ACSM2B: variants seen among roughly 807,000 people sequenced by gnomAD.
ACSM2B encodes acyl-CoA synthetase medium chain family member 2B.
A neutral mutation model predicts 78.6 loss-of-function variants in ACSM2B; 58 were observed. The ratio of observed to expected loss-of-function variants is 0.74; its 90% CI spans 0.60 to 0.92. ACSM2B has a LOEUF of 0.92. Ranked by LOEUF, ACSM2B falls within the 40% of genes least tolerant of loss-of-function variation. The pLI, the probability that ACSM2B is intolerant of heterozygous loss-of-function variation, is 0.00. For missense variants in ACSM2B, 688 were observed against 711.2 expected (o/e 0.97, Z 0.37); for synonymous variants, 257 against 256.8 (o/e 1.00, Z -0.01).
At position 20,552,145 on chromosome 16, in the gene ACSM2B, T is replaced by C. The variant is rs557429764; in HGVS notation, c.893A>G (p.Lys298Arg). The C allele has an allele frequency of 1.2e-6, 2 of 1,608,268 alleles. No individual in the cohort carries two copies. Among genetic ancestry groups the C allele is most frequent in the Non-Finnish European group, 1.7e-6 (2 of 1,177,222 alleles). ...GCTGCAAACTGGATCCTCTCTTACC[T>C]TTAGAATAACCAGTGGGTCAAACTT... is the stretch of plus-strand genomic sequence containing the variant. ...LPKFDPLVILKTLSSYPIKSM... is the reference protein window; with the variant it reads ...LPKFDPLVILRTLSSYPIKSM... Residue 298 changes from lysine (K) to arginine (R), a missense_variant and splice_region_variant, in exon 6 of 14, where the codon AAG becomes AGG. Transcript: ENST00000329697.
At chr16:20,557,861 C>A in intron 3 of ACSM2B, among the ~76,000 whole-genome samples, 1 of 152,178 alleles carries the variant, frequency 6.6e-6, no homozygotes, top group Non-Finnish European at 1.5e-5. Context: ...TCTGACATAG[C>A]TGACTTCATC....
intron 6 of ACSM2B, chr16:20,549,626 T>C: frequency 3.3e-6 from 1 of 307,372 alleles, no homozygotes; most frequent in South Asian, 2.6e-5. Flanking sequence ...TTTGAAGAGA[T>C]TTATTCTGAG....
At chr16:20,538,101 A>T (rs1428086173) in intron 13 of ACSM2B, among the ~76,000 whole-genome samples, 3 of 152,164 alleles carry the variant, frequency 2.0e-5, no homozygotes, top group Admixed American at 1.3e-4. Context: ...CATGGCATTG[A>T]TTTAAGCTTC....
In ACSM2B at chr16:20,544,480, A is replaced by G. The variant is rs560784297; in HGVS notation, c.1281+677T>C. 38 of 674,486 alleles carry G rather than the reference A, an allele frequency of 5.6e-5. No homozygotes were observed. In the East Asian group the frequency reaches 1.3e-3, roughly 23 times the overall value. The allele number at this position is 674,486 out of a possible 1,614,324, so 41.8% of individuals were successfully genotyped here. A position where few individuals can be genotyped will look rare whatever the true frequency, so the allele number is the denominator to read the frequency against. Reference sequence around the variant, plus strand: ...GTTTAAAAATTAAATGTGTTTATACAACAATGCTTGCCTCATGGTATGCAT... The same window carrying G: ...GTTTAAAAATTAAATGTGTTTATACGACAATGCTTGCCTCATGGTATGCAT... On this transcript the variant is annotated intron_variant, in intron 10 of 13. Coordinates refer to ENST00000329697, the MANE Select transcript of ACSM2B (RefSeq NM_001105069.2).
intron 6 of ACSM2B, among the ~76,000 whole-genome samples, chr16:20,549,429 C>T (rs2015238131): frequency 6.6e-6 from 1 of 152,000 alleles, no homozygotes; most frequent in African/African-American, 2.4e-5. Context: ...CAAAGGGGCT[C>T]ATGAGGTAGA....
rs1295096941 is a variant in ACSM2B at position 20,543,380 on chromosome 16, C to T, written c.1282-118G>A. On this transcript the variant is annotated intron_variant, in intron 10 of 13. Coordinates refer to ENST00000329697, the MANE Select transcript of ACSM2B (RefSeq NM_001105069.2). ...AAACTGCAGGTGTGCAGTGTATAAC[C>T]TGAACATGGCAGACATGCCCTGAAC... The T allele has an allele frequency of 5.1e-6, 8 of 1,555,136 alleles. No individual in the cohort carries two copies. The East Asian group carries it at 1.8e-4, about 35-fold the overall frequency.
intron 12 of ACSM2B, chr16:20,541,144 A>G (rs73530508): frequency 0.069 from 11,279 of 162,548 alleles, 521 homozygotes; most frequent in East Asian, 0.18. Context: ...AAATGGGGAT[A>G]AAATAGCCAA....
At chr16:20,545,633 A>C (rs932518918) in intron 9 of ACSM2B, among the ~76,000 whole-genome samples, 35 of 152,096 alleles carry the variant, frequency 2.3e-4, no homozygotes, top group African/African-American at 8.2e-4. Context: ...AACTACTTAA[A>C]CTCTTTGCTT....
At chr16:20,551,579 T>A (rs1030638366) in intron 6 of ACSM2B, among the ~76,000 whole-genome samples, 14 of 152,064 alleles carry the variant, frequency 9.2e-5, no homozygotes, top group African/African-American at 3.4e-4. Context: ...CTATGAGAAG[T>A]AAATGTCTGT....
At chr16:20,570,117 TA>T (rs2016053082) in intron 1 of ACSM2B, among the ~76,000 whole-genome samples, 1 of 151,788 alleles carries the variant, frequency 6.6e-6, no homozygotes. Flanking sequence ...GTGGTGAGAG[TA>T]AGCATTCATG....
At chr16:20,569,251 T>C (rs1015172521) in intron 1 of ACSM2B, among the ~76,000 whole-genome samples, 1 of 151,810 alleles carries the variant, frequency 6.6e-6, no homozygotes, top group African/African-American at 2.4e-5. Flanking sequence ...TAAGGTGATA[T>C]ATGAAGATCC....
At chr16:20,538,646 C>T (rs1007458226) in intron 13 of ACSM2B, among the ~76,000 whole-genome samples, 8 of 152,168 alleles carry the variant, frequency 5.3e-5, no homozygotes, top group African/African-American at 1.9e-4. Context: ...GAAAGAGACA[C>T]ATCTATTGAG....
chr16:20,544,950 C>T (rs2015091892), intron 10 of ACSM2B: 2 of 1,017,912 alleles, frequency 2.0e-6, no homozygotes, highest in African/African-American at 1.6e-5. Flanking sequence ...AATAAGTCTT[C>T]CAATGAGATC....
chr16:20,553,959 C>T, intron 4 of ACSM2B, 39 bp from the exon 5 acceptor site: 1 of 1,611,782 alleles, frequency 6.2e-7, no homozygotes, highest in Non-Finnish European at 8.5e-7. Context: ...CAGATCTAGC[C>T]TGGACACCAG....
In ACSM2B at chr16:20,536,796, T is replaced by A. The variant is rs2152129388; in HGVS notation, c.*462A>T. 1 of 151,654 alleles carries A rather than the reference T, an allele frequency of 6.6e-6. No individual in the cohort carries two copies. The highest frequency in any genetic ancestry group is 2.1e-4 in the South Asian group (1 of 4,814). The allele number at this position is 151,654 out of a possible 1,614,324, so 9.4% of individuals were successfully genotyped here. ...TTCTCCCTCTCTTTCTCCCTCTCTT[T>A]CTTTCTTGTGTTCTTTTGCTCTTTC... On this transcript the variant is annotated 3_prime_UTR_variant, in exon 14 of 14. Coordinates refer to ENST00000329697, the MANE Select transcript of ACSM2B (RefSeq NM_001105069.2).
chr16:20,574,438 G>A (rs1202624003), intron 1 of ACSM2B: 7 of 152,016 alleles, frequency 4.6e-5, no homozygotes, highest in Non-Finnish European at 1.5e-5. Flanking sequence ...GTAAAGATAG[G>A]CATAAGAAAC....
rs528250281 is a variant in ACSM2B, at chr16:20,546,912, A to G, written c.1099-438T>C. 476 of 183,742 alleles carry G rather than the reference A, an allele frequency of 2.6e-3. 3 individuals carry two copies. The highest frequency in any genetic ancestry group is 0.011 in the African/African-American group (447 of 42,166). 11.4% of individuals were successfully genotyped at this position (183,742 alleles called of 1,614,324 possible). On this transcript the variant is annotated intron_variant, in intron 8 of 13. Transcript: ENST00000329697. Reference sequence around the variant, plus strand: ...AGATGTTTTGATACAGGCATGCAATATGAAATAATCACATCATGAAGACTG... The same window carrying G: ...AGATGTTTTGATACAGGCATGCAATGTGAAATAATCACATCATGAAGACTG...
intron 1 of ACSM2B, among the ~76,000 whole-genome samples, chr16:20,570,445 C>T (rs1348749149): frequency 1.3e-5 from 2 of 151,880 alleles, no homozygotes; most frequent in Non-Finnish European, 2.9e-5. Context: ...TTTTGATATG[C>T]TGTTGGATTC....
intron 12 of ACSM2B, chr16:20,541,686 T>C (rs1271191953): frequency 1.4e-5 from 2 of 139,784 alleles, no homozygotes; most frequent in Non-Finnish European, 1.5e-5. Flanking sequence ...TCTTTCTTTT[T>C]TTTTTTTTTT....
Sources: gnomAD v4.1 joint callset for allele counts (sites outside exome capture counted in the v4.1 genomes callset) on GRCh38, gnomAD v4.1.1 for gene constraint, MANE v1.5 for transcripts, NCBI Gene and HGNC (gene_info 2026-07-23, HGNC 2026-07-21) for gene names.